CARNMT1: variants seen among roughly 807,000 people sequenced by gnomAD.
The protein encoded by CARNMT1 is carnosine N-methyltransferase 1, also known as protein-L-histidine N-pros-methyltransferase CARNMT1.
In CARNMT1, 28 loss-of-function variants were observed where a neutral mutation model predicts 49.6. That is an observed-to-expected ratio of 0.56 (90% CI 0.42 to 0.77). CARNMT1 has a LOEUF of 0.77. Among genes scored for constraint, CARNMT1 ranks in the 30% least tolerant of loss-of-function variants. The probability of loss-of-function intolerance (pLI) is 0.00; values close to 1 mark genes in which losing one functional copy is unlikely to be tolerated. For missense variants in CARNMT1, 421 were observed against 512.6 expected (o/e 0.82, Z 1.73); for synonymous variants, 178 against 175.0 (o/e 1.02, Z -0.13).
At position 74,984,984 on chromosome 9, in the gene CARNMT1, G is replaced by C; in HGVS notation, c.1051C>G (p.Leu351Val). Residue 351 changes from leucine (L) to valine (V), a missense_variant, in exon 7 of 8, where the codon CTG (leucine) becomes GTG (valine). This residue lies in a region of CARNMT1 where 235 missense variants were observed against 344.8 expected (regional missense o/e 0.68). Coordinates refer to ENST00000376834, the MANE Select transcript of CARNMT1 (RefSeq NM_152420.3). ...AATTCTATGGAAAGTTCATTTGCCAGATTTTCAAAGTGGTACAGCAGAGGA... is the reference window on the plus strand; with the variant it reads ...AATTCTATGGAAAGTTCATTTGCCACATTTTCAAAGTGGTACAGCAGAGGA... ...LGPLLYHFEN[L>V]ANELSIELSY... is the part of the protein sequence containing the mutation. 1 of 1,613,668 alleles carries C rather than the reference G, an allele frequency of 6.2e-7. No homozygotes were observed. The highest frequency in any genetic ancestry group is 1.1e-5 in the South Asian group (1 of 91,070).
chr9:75,002,808 T>G (rs1833401339), intron 3 of CARNMT1, among the ~76,000 whole-genome samples: 1 of 152,112 alleles, frequency 6.6e-6, no homozygotes, highest in African/African-American at 2.4e-5. Flanking sequence ...TAGTGCCATC[T>G]CAGGTCACTG....
At chr9:75,009,318 A>T (rs1833615633) in intron 3 of CARNMT1, among the ~76,000 whole-genome samples, 1 of 152,106 alleles carries the variant, frequency 6.6e-6, no homozygotes, top group Admixed American at 6.5e-5. Context: ...AGCACACAGC[A>T]CACTACACCC....
chr9:74,986,651 T>G (rs764536907), intron 6 of CARNMT1, among the ~76,000 whole-genome samples: 53 of 152,184 alleles, frequency 3.5e-4, no homozygotes, highest in Non-Finnish European at 1.3e-4. Context: ...TTTACATACT[T>G]AGACCATTTT....
At chr9:75,008,564 C>A (rs776661864) in intron 3 of CARNMT1, among the ~76,000 whole-genome samples, 2 of 152,116 alleles carry the variant, frequency 1.3e-5, no homozygotes, top group Non-Finnish European at 2.9e-5. Flanking sequence ...CCTCGGCCCC[C>A]CAAAGTGCTG....
At position 74,980,857 on chromosome 9, in the gene CARNMT1, G is replaced by T. The variant is rs562318121; in HGVS notation, c.*2910C>A. Among the ~76,000 whole-genome samples the T allele has an allele frequency of 6.6e-6, 1 of 152,212 alleles. No individual in the cohort carries two copies. Among genetic ancestry groups the T allele is most frequent in the African/African-American group, 2.4e-5 (1 of 41,542 alleles). ...GAATGAAACAAAGTGAAAATAGTTA[G>T]TATAAGGCCTGGCATATTATAAGGC... On this transcript the variant is annotated 3_prime_UTR_variant, in exon 8 of 8. Transcript: ENST00000376834.
chr9:75,007,986 C>G (rs927058529), intron 3 of CARNMT1, among the ~76,000 whole-genome samples: 5 of 151,882 alleles, frequency 3.3e-5, no homozygotes, highest in Admixed American at 2.0e-4. Flanking sequence ...AAGATCAACA[C>G]ACAAAATTCA....
chr9:75,001,413 C>A (rs1396971052), intron 3 of CARNMT1, among the ~76,000 whole-genome samples: 1 of 152,150 alleles, frequency 6.6e-6, no homozygotes, highest in Non-Finnish European at 1.5e-5. Context: ...GAACTCTCCA[C>A]CTCAACCTAA....
At chr9:74,996,686 A>G in intron 5 of CARNMT1, 126 bp from the exon 6 acceptor site, 1 of 568,922 alleles carries the variant, frequency 1.8e-6, no homozygotes, top group Non-Finnish European at 3.1e-6. Context: ...CAGAAGCTAA[A>G]CTTCTGATCA....
intron 1 of CARNMT1, among the ~76,000 whole-genome samples, chr9:75,019,967 T>C (rs538934189): frequency 2.0e-5 from 3 of 152,160 alleles, no homozygotes; most frequent in South Asian, 2.1e-4. Flanking sequence ...TTGAAAACAA[T>C]TGCAGTAAAA....
At chr9:75,023,330 G>A (rs922888361) in intron 1 of CARNMT1, among the ~76,000 whole-genome samples, 4 of 151,992 alleles carry the variant, frequency 2.6e-5, no homozygotes, top group Admixed American at 6.6e-5. Flanking sequence ...CAATATCTCC[G>A]TATTTCAGCA....
At chr9:74,983,891 A>G in intron 7 of CARNMT1, 23 bp from the exon 8 acceptor site, 7 of 1,535,212 alleles carry the variant, frequency 4.6e-6, no homozygotes, top group Non-Finnish European at 5.3e-6. Context: ...CAATAATCAT[A>G]ATACTATGAC....
chr9:74,989,183 T>G (rs1249557440), intron 6 of CARNMT1, among the ~76,000 whole-genome samples: 1 of 152,194 alleles, frequency 6.6e-6, no homozygotes, highest in Non-Finnish European at 1.5e-5. Flanking sequence ...ATAGGCATAG[T>G]TCACTGCAGC....
At chr9:74,991,994 A>G (rs7852179) in intron 6 of CARNMT1, among the ~76,000 whole-genome samples, 117,002 of 152,072 alleles carry the variant, frequency 0.77, 45,384 homozygotes, top group East Asian at 0.85. Context: ...ATTCTAGGCC[A>G]GGCACAGTGG....
At chr9:75,027,957 C>T in intron 1 of CARNMT1, 55 bp downstream of exon 1, 1 of 1,495,224 alleles carries the variant, frequency 6.7e-7, no homozygotes, top group Non-Finnish European at 8.9e-7. Flanking sequence ...GCGGGTCCGC[C>T]GCCACCAGTG....
intron 3 of CARNMT1, among the ~76,000 whole-genome samples, chr9:75,014,892 AAGAG>A (rs80001512): frequency 0.044 from 6,682 of 152,196 alleles, 202 homozygotes; most frequent in Non-Finnish European, 0.069. Flanking sequence ...ACAAAAAATA[AAGAG>A]AGAGAAGAGA....
intron 1 of CARNMT1, among the ~76,000 whole-genome samples, chr9:75,024,154 T>C (rs182608416): frequency 6.6e-6 from 1 of 152,224 alleles, no homozygotes; most frequent in African/African-American, 2.4e-5. Context: ...CTGCACCTAG[T>C]TGAACTACTC....
chr9:75,027,017 A>G lies in CARNMT1; in HGVS notation c.230+995T>C, dbSNP rs568001259. ...AACAATATAAAAAAACTTTGCATAA[A>G]GCACAGCAGGAACCCACCTATGGGA... On this transcript the variant is annotated intron_variant, in intron 1 of 7. Transcript: ENST00000376834. 7.3e-5 allele frequency: 86 copies of G among 1,175,918 alleles called. No individual in the cohort carries two copies. The African/African-American group carries it at 1.2e-3, about 16-fold the overall frequency. The allele number at this position is 1,175,918 out of a possible 1,614,324, so 72.8% of individuals were successfully genotyped here.
intron 3 of CARNMT1, among the ~76,000 whole-genome samples, chr9:75,006,101 G>A (rs904398546): frequency 1.3e-5 from 2 of 151,886 alleles, no homozygotes; most frequent in African/African-American, 4.8e-5. Context: ...GCTCAGGCTG[G>A]AGTGCAGTGG....
At chr9:74,996,743 T>C (rs923164928) in intron 5 of CARNMT1, among the ~76,000 whole-genome samples, 183 bp from the exon 6 acceptor site, 1 of 152,178 alleles carries the variant, frequency 6.6e-6, no homozygotes, top group African/African-American at 2.4e-5. Flanking sequence ...GAAATACTGA[T>C]ATCAATAATC....
Sources: gnomAD v4.1 joint callset for allele counts (sites outside exome capture counted in the v4.1 genomes callset) on GRCh38, gnomAD v4.1.1 for gene constraint, gnomAD v4.1.1 regional missense constraint, MANE v1.5 for transcripts, NCBI Gene and HGNC (gene_info 2026-07-23, HGNC 2026-07-21) for gene names.